Variants in RTEL1 observed in about 807,000 individuals in gnomAD.
The protein encoded by RTEL1 is regulator of telomere elongation helicase 1.
RTEL1 carries 86 observed loss-of-function variants against 162.2 expected under a neutral mutation model. That is an observed-to-expected ratio of 0.53 (90% CI 0.45 to 0.63). The LOEUF (loss-of-function observed/expected upper bound fraction) is 0.63. Ranked by LOEUF, RTEL1 falls within the 30% of genes least tolerant of loss-of-function variation. The probability of loss-of-function intolerance (pLI) is 0.00; values close to 1 mark genes in which losing one functional copy is unlikely to be tolerated. For synonymous variants in RTEL1, 958 were observed against 717.9 expected, an observed-to-expected ratio of 1.33 and a Z score of -5.35; for missense variants, 1,941 against 1,750.2, an observed-to-expected ratio of 1.11 and a Z score of -1.95.
intron 28 of RTEL1, chr20:63,692,552 C>G: frequency 1.8e-6 from 1 of 564,204 alleles, no homozygotes; most frequent in Non-Finnish European, 3.2e-6. Context: ...CAGAGCCAAT[C>G]TACCCTTTGC....
chr20:63,666,975 G>C (rs1249614116), intron 7 of RTEL1, among the ~76,000 whole-genome samples: 1 of 151,904 alleles, frequency 6.6e-6, no homozygotes, highest in East Asian at 1.9e-4. Context: ...GAGTAGCTGG[G>C]ACTACAGGTG....
chr20:63,659,516 G>T lies in RTEL1; in HGVS notation c.102+12G>T, dbSNP rs754260726. ...AATGTCTGCAGCAGGTAGAGCACAG[G>T]CCCCGAGGAAAGGACTGCGGGTGGG... On this transcript the variant is annotated intron_variant, in intron 2 of 34. Coordinates refer to ENST00000360203, the MANE Select transcript of RTEL1 (RefSeq NM_001283009.2). 1 of 1,601,054 alleles carries T rather than the reference G, an allele frequency of 6.2e-7. No individual in the cohort carries two copies. Among genetic ancestry groups the T allele is most frequent in the Non-Finnish European group, 8.6e-7 (1 of 1,168,128 alleles).
intron 21 of RTEL1, 114 bp from the exon 22 acceptor site, chr20:63,688,941 C>T: frequency 2.1e-6 from 2 of 941,144 alleles, no homozygotes; most frequent in Non-Finnish European, 3.3e-6. Flanking sequence ...ACCCGATTGG[C>T]CTTCCTGGCT....
intron 14 of RTEL1, chr20:63,681,854 C>T (rs1478112311): frequency 1.0e-6 from 1 of 985,288 alleles, no homozygotes; most frequent in Non-Finnish European, 1.2e-6. Flanking sequence ...AACTCCTCCC[C>T]AAAGGCACGG....
chr20:63,670,525 G>A (rs545953755), intron 8 of RTEL1, among the ~76,000 whole-genome samples: 3 of 152,208 alleles, frequency 2.0e-5, no homozygotes, highest in Non-Finnish European at 2.9e-5. Flanking sequence ...TTAAAGCCAC[G>A]GGGAGCCGAC....
chr20:63,679,284 C>T (rs1162453534), intron 12 of RTEL1, among the ~76,000 whole-genome samples: 4 of 152,170 alleles, frequency 2.6e-5, no homozygotes, highest in Non-Finnish European at 4.4e-5. Flanking sequence ...CCAGTTGCTT[C>T]CAGGTGGAGC....
Position 63,661,380 on chromosome 20 carries a change from A to G in RTEL1, c.185A>G (p.His62Arg), listed in dbSNP as rs766839908. The change falls in exon 3 of 35, where the codon CAC becomes CGC. Residue 62 changes from histidine (H) to arginine (R), a missense_variant. Physicochemically the swap from His to Arg is conservative, Grantham distance 29. Coordinates refer to ENST00000360203, the MANE Select transcript of RTEL1 (RefSeq NM_001283009.2). This position sits in a 1 kb window ranked among gnomAD's most constrained non-coding sequence, Gnocchi z 5.1. Reference sequence around the variant, plus strand: ...TGCACCACGCTGGCCTGGCGAGAACACCTCCGAGACGGCATCTCTGCCCGC... The same window carrying G: ...TGCACCACGCTGGCCTGGCGAGAACGCCTCCGAGACGGCATCTCTGCCCGC... ...LLCTTLAWRE[H>R]LRDGISARKI... 3 of 1,613,768 alleles carry G rather than the reference A, an allele frequency of 1.9e-6. No homozygotes were observed. In the South Asian group the frequency reaches 3.3e-5, roughly 18 times the overall value.
In RTEL1 at chr20:63,692,870, G is replaced by A. The variant is rs765888621; in HGVS notation, c.2718G>A (p.Glu906=). Residue 906 remains glutamate (E), a synonymous_variant, in exon 29 of 35, where the codon GAG becomes GAA. Transcript: ENST00000360203. ...AKLFMVAVKQ[E]LSQANFATFT... ...TCTTCATGGTGGCCGTGAAGCAGGA[G>A]TTGAGCCAAGCCAACTTTGCCACCT... The A allele has an allele frequency of 6.2e-7, 1 of 1,612,542 alleles. No individual in the cohort carries two copies. The highest frequency in any genetic ancestry group is 8.5e-7 in the Non-Finnish European group (1 of 1,179,866).
chr20:63,666,511 C>T (rs1229888307), intron 7 of RTEL1, among the ~76,000 whole-genome samples: 1 of 152,184 alleles, frequency 6.6e-6, no homozygotes, highest in Non-Finnish European at 1.5e-5. Context: ...TATAATAAAG[C>T]TCTTCTTATA....
rs975777005 is a variant in RTEL1, at chr20:63,696,121, C to T, written c.*263C>T. On this transcript the variant is annotated 3_prime_UTR_variant, in exon 35 of 35. Transcript: ENST00000360203. The stretch of plus-strand genomic sequence containing the variant: ...CCCCAGAACTTCCCTGGCTCCTGGC[C>T]TGTGAGTGGTGCCACAGGGGCACCC... 5 of 534,938 alleles carry T rather than the reference C, an allele frequency of 9.3e-6. No homozygotes were observed. The East Asian group carries it at 1.2e-4, about 13-fold the overall frequency. The allele number at this position is 534,938 out of a possible 1,614,324, so 33.1% of individuals were successfully genotyped here. A position where few individuals can be genotyped will look rare whatever the true frequency, so the allele number is the denominator to read the frequency against.
chr20:63,666,834 C>CTTT (rs146252896), intron 7 of RTEL1, among the ~76,000 whole-genome samples: 82 of 102,156 alleles, frequency 8.0e-4, no homozygotes, highest in Non-Finnish European at 9.9e-4. Context: ...CTGGCCAGCT[C>CTTT]TTTTTTTTTT....
rs1431760156 is a variant in RTEL1, at chr20:63,689,832, A to G, written c.2108A>G (p.Gln703Arg). ...ATCGGGCGAGTGATCCGGCACCGCC[A>G]GGACTACGGAGCTGTCTTCCTCTGT... Reference protein sequence around the residue: ...QAIGRVIRHRQDYGAVFLCDH... With the variant: ...QAIGRVIRHRRDYGAVFLCDH... The change falls in exon 24 of 35, where the codon CAG becomes CGG. Residue 703 changes from glutamine to arginine, a missense_variant. Gln to Arg is a conservative substitution (Grantham distance 43). Coordinates refer to ENST00000360203, the MANE Select transcript of RTEL1 (RefSeq NM_001283009.2). The G allele has an allele frequency of 6.2e-7, 1 of 1,611,272 alleles. No individual in the cohort carries two copies. Among genetic ancestry groups the G allele is most frequent in the East Asian group, 2.2e-5 (1 of 44,860 alleles).
chr20:63,661,719 G>T lies in RTEL1; in HGVS notation c.302-131G>T. On this transcript the variant is annotated intron_variant, in intron 3 of 34. Transcript: ENST00000360203. This position sits in a 1 kb window ranked among gnomAD's most constrained non-coding sequence, Gnocchi z 5.1. ...GCAGATGCCCACTTCACCCATTTTT[G>T]ATAAACCAGTATCTGGGGTGTCAGA... The T allele has an allele frequency of 1.1e-6, 1 of 934,124 alleles. No homozygotes were observed. The highest frequency in any genetic ancestry group is 1.7e-6 in the Non-Finnish European group (1 of 602,100). 57.9% of individuals were successfully genotyped at this position (934,124 alleles called of 1,614,324 possible).
intron 14 of RTEL1, chr20:63,681,801 T>G: frequency 8.1e-6 from 8 of 985,370 alleles, no homozygotes; most frequent in Non-Finnish European, 9.6e-6. Flanking sequence ...GTCTTCTCTG[T>G]GCGGTAGCTG....
chr20:63,690,963 C>G lies in RTEL1; in HGVS notation c.2556+16C>G. The stretch of plus-strand genomic sequence containing the variant: ...CGAGGAGCAGGTACAGTTCCAGGGC[C>G]TTGGGATGGACACAGACCCTCTGTC... On this transcript the variant is annotated intron_variant, in intron 27 of 34. Transcript: ENST00000360203. 6.5e-7 allele frequency: 1 copy of G among 1,544,116 alleles called. No homozygotes were observed. The highest frequency in any genetic ancestry group is 8.7e-7 in the Non-Finnish European group (1 of 1,144,896).
chr20:63,688,646 T>G (rs878873762), intron 21 of RTEL1, 41 bp downstream of exon 21: 1 of 1,544,154 alleles, frequency 6.5e-7, no homozygotes, highest in African/African-American at 1.4e-5. Context: ...TGCCCCCTCG[T>G]GCCTCCCCTG....
At chr20:63,666,892 T>G (rs1452827441) in intron 7 of RTEL1, among the ~76,000 whole-genome samples, 3 of 142,990 alleles carry the variant, frequency 2.1e-5, no homozygotes, top group East Asian at 2.0e-4. Flanking sequence ...CAGGCTGGAG[T>G]GCAGTGGTGC....
chr20:63,682,434 C>T (rs1224081823), intron 14 of RTEL1: 5 of 985,810 alleles, frequency 5.1e-6, no homozygotes, highest in African/African-American at 1.7e-5. Context: ...GAAGTCTCCA[C>T]ACTCTGGAAC....
rs527775349 is a variant in RTEL1 at position 63,681,960 on chromosome 20, G to C, written c.1191+1241G>C. 9.9e-4 allele frequency: 979 copies of C among 985,422 alleles called. 1 individual carries two copies. Among genetic ancestry groups the C allele is most frequent in the Non-Finnish European group, 1.1e-3 (932 of 829,920 alleles). The allele number at this position is 985,422 out of a possible 1,614,324, so 61.0% of individuals were successfully genotyped here. On this transcript the variant is annotated intron_variant, in intron 14 of 34. Coordinates refer to ENST00000360203, the MANE Select transcript of RTEL1 (RefSeq NM_001283009.2). ...GGAGTGTGGTTGGCTCTTCAAGCAGGAGGCCGTGCACCTATCAGGCGGACC... is the reference window on the plus strand; with the variant it reads ...GGAGTGTGGTTGGCTCTTCAAGCAGCAGGCCGTGCACCTATCAGGCGGACC...
Sources: gnomAD v4.1 joint callset for allele counts (sites outside exome capture counted in the v4.1 genomes callset) on GRCh38, gnomAD v4.1.1 for gene constraint, Gnocchi (gnomAD v3.1) non-coding constraint, MANE v1.5 for transcripts, NCBI Gene and HGNC (gene_info 2026-07-23, HGNC 2026-07-21) for gene names.